ROBO2: variants seen among roughly 807,000 people sequenced by gnomAD.
The protein encoded by ROBO2 is roundabout guidance receptor 2, also known as roundabout homolog 2.
In ROBO2, 53 loss-of-function variants were observed where a neutral mutation model predicts 160.8. The observed-to-expected ratio is 0.33, with a 90% CI of 0.26 to 0.41. The LOEUF (loss-of-function observed/expected upper bound fraction) is 0.41. Ranked by LOEUF, ROBO2 falls within the 10% of genes least tolerant of loss-of-function variation. ROBO2 has a pLI of 1.00. For missense variants in ROBO2, 1,577 were observed against 1,722.4 expected (o/e 0.92, Z 1.49); for synonymous variants, 664 against 611.7 (o/e 1.09, Z -1.26).
chr3:76,147,921 A>T (rs1185330425), intron 2 of ROBO2, among the ~76,000 whole-genome samples: 1 of 151,962 alleles, frequency 6.6e-6, no homozygotes, highest in Non-Finnish European at 1.5e-5. Flanking sequence ...CAAATGAAAA[A>T]CTTAACATTT....
chr3:76,192,842 C>T (rs1280487271), intron 2 of ROBO2, among the ~76,000 whole-genome samples: 2 of 152,122 alleles, frequency 1.3e-5, no homozygotes, highest in African/African-American at 4.8e-5. Flanking sequence ...CTCCACTTGA[C>T]AGCCAAGTGT....
intron 1 of ROBO2, among the ~76,000 whole-genome samples, chr3:77,069,777 G>T (rs367739136): frequency 1.3e-5 from 2 of 152,106 alleles, no homozygotes; most frequent in Admixed American, 1.3e-4. Flanking sequence ...AGTCCTTGAG[G>T]GGGAGAGACA....
At chr3:77,306,826 A>AC (rs1157081415) in intron 2 of ROBO2, among the ~76,000 whole-genome samples, 2 of 152,022 alleles carry the variant, frequency 1.3e-5, no homozygotes, top group East Asian at 3.9e-4. Flanking sequence ...ACAATCATTC[A>AC]CCCCAACATT....
At chr3:76,982,233 T>C (rs1269542992) in intron 2 of ROBO2, among the ~76,000 whole-genome samples, 1 of 152,206 alleles carries the variant, frequency 6.6e-6, no homozygotes, top group Non-Finnish European at 1.5e-5. Context: ...CTTTGAACTA[T>C]TTTGACTTAG....
intron 2 of ROBO2, among the ~76,000 whole-genome samples, chr3:76,887,251 G>T (rs1346159989): frequency 1.2e-4 from 15 of 122,600 alleles, no homozygotes; most frequent in African/African-American, 4.4e-4. Context: ...GAAAAGCACT[G>T]GACTAGACTC....
At chr3:76,402,573 G>A (rs72898553) in intron 2 of ROBO2, among the ~76,000 whole-genome samples, 4,243 of 151,548 alleles carry the variant, frequency 0.028, 192 homozygotes, top group African/African-American at 0.097. Flanking sequence ...TTGTCAGTAG[G>A]TTGCATTATT....
intron 2 of ROBO2, among the ~76,000 whole-genome samples, chr3:76,944,361 A>G (rs1308144553): frequency 6.6e-6 from 1 of 152,216 alleles, no homozygotes; most frequent in Admixed American, 6.5e-5. Flanking sequence ...TCAAAAATAA[A>G]CTGTTCTCAA....
intron 2 of ROBO2, among the ~76,000 whole-genome samples, chr3:76,749,899 A>G (rs2093953391): frequency 6.6e-6 from 1 of 152,096 alleles, no homozygotes; most frequent in South Asian, 2.1e-4. Context: ...TCCTTCTGCA[A>G]CTATTCCAAT....
chr3:77,061,639 T>C (rs1005631502), intron 1 of ROBO2, among the ~76,000 whole-genome samples: 1 of 152,126 alleles, frequency 6.6e-6, no homozygotes, highest in African/African-American at 2.4e-5. Flanking sequence ...TGTTTTTAGT[T>C]TTTTTGAGCT....
Position 77,607,906 on chromosome 3 carries a change from T to C in ROBO2, c.3245T>C (p.Leu1082Pro). ...CTACCTCCCCCCCCAGTCCAGCCCC[T>C]TCCTGGCACGGAGCTGGAACACTAT... is the stretch of plus-strand genomic sequence containing the variant. Residue 1082 changes from leucine to proline, a missense_variant, in exon 21 of 26, where the codon CTT becomes CCT. Physicochemically the swap from Leu to Pro is moderately conservative, Grantham distance 98. This residue lies in a region of ROBO2 where 637 missense variants were observed against 586.9 expected (regional missense o/e 1.09). Coordinates refer to ENST00000461745, the Ensembl canonical transcript of ROBO2. The C allele has an allele frequency of 6.2e-7, 1 of 1,613,758 alleles. No individual in the cohort carries two copies. Among genetic ancestry groups the C allele is most frequent in the South Asian group, 1.1e-5 (1 of 91,064 alleles).
At chr3:76,389,946 G>C (rs1326205522) in intron 2 of ROBO2, among the ~76,000 whole-genome samples, 1 of 152,106 alleles carries the variant, frequency 6.6e-6, no homozygotes, top group Non-Finnish European at 1.5e-5. Context: ...ATTGTTTTCA[G>C]TAGTCTACTC....
chr3:76,008,624 T>A (rs1337880202), intron 2 of ROBO2, among the ~76,000 whole-genome samples: 3 of 152,198 alleles, frequency 2.0e-5, no homozygotes, highest in Non-Finnish European at 4.4e-5. Context: ...CGTTTTAGAA[T>A]GAATTCCTAA....
intron 2 of ROBO2, among the ~76,000 whole-genome samples, chr3:77,397,427 C>G (rs991955662): frequency 6.6e-6 from 1 of 152,072 alleles, no homozygotes; most frequent in Non-Finnish European, 1.5e-5. Flanking sequence ...AGAACAATCC[C>G]GTCTTCATGA....
chr3:77,018,750 G>A (rs866165248), intron 2 of ROBO2, among the ~76,000 whole-genome samples: 1 of 152,112 alleles, frequency 6.6e-6, no homozygotes, highest in South Asian at 2.1e-4. Context: ...TCATTCCCAA[G>A]CCAGTCACAA....
At chr3:76,769,094 T>G (rs1227300982) in intron 2 of ROBO2, among the ~76,000 whole-genome samples, 1 of 151,498 alleles carries the variant, frequency 6.6e-6, no homozygotes, top group Non-Finnish European at 1.5e-5. Flanking sequence ...CCGTGTAGAC[T>G]GCTACGTGGC....
At chr3:76,382,630 T>C (rs1056387340) in intron 2 of ROBO2, among the ~76,000 whole-genome samples, 1 of 152,124 alleles carries the variant, frequency 6.6e-6, no homozygotes, top group Non-Finnish European at 1.5e-5. Context: ...CCTAACCTAA[T>C]ACAACCTAAT....
At chr3:77,566,719 G>A (rs770308938) in intron 12 of ROBO2, among the ~76,000 whole-genome samples, 1 of 151,892 alleles carries the variant, frequency 6.6e-6, no homozygotes, top group Admixed American at 6.6e-5. Flanking sequence ...AGTTGTTTGT[G>A]GTCTGGTTTG....
At chr3:76,792,392 T>A (rs1026154835) in intron 2 of ROBO2, among the ~76,000 whole-genome samples, 1 of 151,766 alleles carries the variant, frequency 6.6e-6, no homozygotes, top group South Asian at 2.1e-4. Context: ...CTGGGACCCA[T>A]CCCCTGCAGA....
chr3:77,416,905 A>T (rs2077278937), intron 2 of ROBO2, among the ~76,000 whole-genome samples: 1 of 152,052 alleles, frequency 6.6e-6, no homozygotes, highest in African/African-American at 2.4e-5. Flanking sequence ...TTACATTTTG[A>T]TTTCATTTGT....
Sources: allele counts gnomAD v4.1 joint callset (sites outside exome capture counted in the v4.1 genomes callset), GRCh38; gene constraint gnomAD v4.1.1; regional missense constraint gnomAD v4.1.1; transcripts MANE v1.5; gene names NCBI Gene and HGNC (gene_info 2026-07-23, HGNC 2026-07-21).